ABL1: variants seen among roughly 807,000 people sequenced by gnomAD.
The protein encoded by ABL1 is ABL proto-oncogene 1, non-receptor tyrosine kinase.
In ABL1, 11 loss-of-function variants were observed where a neutral mutation model predicts 94.7. That is an observed-to-expected ratio of 0.12 (90% CI 0.07 to 0.19). The LOEUF (loss-of-function observed/expected upper bound fraction) is 0.19. Ranked by LOEUF, ABL1 falls within the 10% of genes least tolerant of loss-of-function variation. The probability of loss-of-function intolerance (pLI) is 1.00; values close to 1 mark genes in which losing one functional copy is unlikely to be tolerated. For missense variants in ABL1, 1,082 were observed against 1,489.4 expected, an observed-to-expected ratio of 0.73 and a Z score of 4.50; for synonymous variants, 656 against 622.4, an observed-to-expected ratio of 1.05 and a Z score of -0.80.
At chr9:130,877,584 C>G (rs1352430302) in intron 7 of ABL1, among the ~76,000 whole-genome samples, 1 of 147,600 alleles carries the variant, frequency 6.8e-6, no homozygotes, top group African/African-American at 2.6e-5. Context: ...ATCATCTGCC[C>G]TCCTCTAGCA....
At chr9:130,750,781 G>A (rs1051550573) in intron 1 of ABL1, among the ~76,000 whole-genome samples, 6 of 150,934 alleles carry the variant, frequency 4.0e-5, no homozygotes, top group Admixed American at 2.7e-4. Flanking sequence ...CGAGTAGCTG[G>A]GATTACAGGT....
chr9:130,820,519 C>G (rs1463609823), intron 1 of ABL1, among the ~76,000 whole-genome samples: 2 of 151,756 alleles, frequency 1.3e-5, no homozygotes, highest in Admixed American at 6.6e-5. Flanking sequence ...GTGTATACAA[C>G]CTTCCCCTCA....
intron 1 of ABL1, among the ~76,000 whole-genome samples, chr9:130,820,942 T>A (rs1198322119): frequency 6.6e-6 from 1 of 152,216 alleles, no homozygotes; most frequent in African/African-American, 2.4e-5. Flanking sequence ...TTTTTATTTT[T>A]TTTTCGAGAC....
At chr9:130,883,946 C>G (rs1564323180) in intron 10 of ABL1, 23 bp from the exon 11 acceptor site, 2 of 1,587,502 alleles carry the variant, frequency 1.3e-6, no homozygotes, top group Non-Finnish European at 8.6e-7. Context: ...CTGGAGTTGT[C>G]AGCTCTTCCC....
intron 3 of ABL1, among the ~76,000 whole-genome samples, chr9:130,857,775 A>G (rs1830999184): frequency 6.6e-6 from 1 of 151,940 alleles, no homozygotes; most frequent in South Asian, 2.1e-4. Context: ...GCTTTCCACC[A>G]CTGCAGAATT....
At chr9:130,845,406 A>G (rs923209795) in intron 1 of ABL1, among the ~76,000 whole-genome samples, 4 of 151,756 alleles carry the variant, frequency 2.6e-5, no homozygotes, top group African/African-American at 7.3e-5. Context: ...TGGTGATGCA[A>G]TCTTGGCTCA....
chr9:130,799,847 TA>T (rs1201513462), intron 1 of ABL1, among the ~76,000 whole-genome samples: 4 of 152,046 alleles, frequency 2.6e-5, no homozygotes, highest in African/African-American at 9.7e-5. Flanking sequence ...AGAGGATACT[TA>T]TTTATAAATT....
intron 3 of ABL1, among the ~76,000 whole-genome samples, chr9:130,861,358 G>GA (rs1162858159): frequency 6.6e-6 from 1 of 152,192 alleles, no homozygotes; most frequent in Non-Finnish European, 1.5e-5. Context: ...CAAAACAAAA[G>GA]AAAGAGAAAC....
intron 1 of ABL1, among the ~76,000 whole-genome samples, chr9:130,725,988 A>C (rs1369705722): frequency 6.7e-6 from 1 of 149,986 alleles, no homozygotes; most frequent in Non-Finnish European, 1.5e-5. Context: ...AGCTGGGACC[A>C]CAGGTGTGCA....
In ABL1 at chr9:130,835,981, G is replaced by C. The variant is rs1830575450; in HGVS notation, c.79+456G>C. On this transcript the variant is annotated intron_variant, in intron 1 of 10. Coordinates refer to ENST00000318560, the MANE Select transcript of ABL1 (RefSeq NM_005157.6). The surrounding 1 kb of genome is among the most constrained non-coding windows in gnomAD (Gnocchi z 4.6). ...GGAATTTCCACCGTTAATTGGGACT[G>C]TGTGTTAAAAAGATCGACCCGTGTT... Among the ~76,000 whole-genome samples the C allele has an allele frequency of 6.6e-6, 1 of 152,244 alleles. No individual in the cohort carries two copies. The highest frequency in any genetic ancestry group is 2.1e-4 in the South Asian group (1 of 4,830).
At chr9:130,834,095 C>G, upstream of ABL1, 3 of 456,036 alleles carry the variant, frequency 6.6e-6, no homozygotes, top group Middle Eastern at 3.3e-4. Context: ...TCTGACTTCT[C>G]TGAGCATCTG....
At position 130,872,732 on chromosome 9, in the gene ABL1, C is replaced by A; in HGVS notation, c.908-128C>A. 1.1e-6 allele frequency: 1 copy of A among 892,530 alleles called. No individual in the cohort carries two copies. Among genetic ancestry groups the A allele is most frequent in the Non-Finnish European group, 1.7e-6 (1 of 590,228 alleles). The allele number at this position is 892,530 out of a possible 1,614,324, so 55.3% of individuals were successfully genotyped here. ...GTCTCAGGATGCAGGTGCTTGGGAC[C>A]ATGTTGGAAGTTGGGCCCAGGACTG... On this transcript the variant is annotated intron_variant, in intron 5 of 10. Coordinates refer to ENST00000318560, the MANE Select transcript of ABL1 (RefSeq NM_005157.6). This position sits in a 1 kb window ranked among gnomAD's most constrained non-coding sequence, Gnocchi z 5.0.
At chr9:130,851,405 C>G (rs1047900232) in intron 1 of ABL1, among the ~76,000 whole-genome samples, 1 of 152,070 alleles carries the variant, frequency 6.6e-6, no homozygotes, top group Admixed American at 6.5e-5. Flanking sequence ...GAAACAGTTC[C>G]TGAAGGTTGA....
At chr9:130,739,805 T>A (rs1345004526) in intron 1 of ABL1, among the ~76,000 whole-genome samples, 5 of 152,186 alleles carry the variant, frequency 3.3e-5, no homozygotes, top group African/African-American at 4.8e-5. Flanking sequence ...TTCAGCACTT[T>A]GGGAGGCTGA....
intron 1 of ABL1, among the ~76,000 whole-genome samples, chr9:130,783,949 C>G (rs568529961): frequency 6.6e-6 from 1 of 152,264 alleles, no homozygotes; most frequent in South Asian, 2.1e-4. Flanking sequence ...AGCCACAGCA[C>G]CCAGCTTGTG....
upstream of ABL1, chr9:130,834,021 T>C: frequency 2.2e-6 from 1 of 456,098 alleles, no homozygotes; most frequent in South Asian, 1.5e-5. Flanking sequence ...GGGAGCCTGA[T>C]CCTTGGAGCC....
intron 1 of ABL1, among the ~76,000 whole-genome samples, chr9:130,744,854 C>T (rs1473848364): frequency 1.5e-5 from 2 of 131,540 alleles, no homozygotes; most frequent in Non-Finnish European, 3.1e-5. Context: ...GAGACTCCGT[C>T]TCAAAAAAAA....
At chr9:130,859,515 A>G (rs1016441446) in intron 3 of ABL1, among the ~76,000 whole-genome samples, 3 of 151,314 alleles carry the variant, frequency 2.0e-5, no homozygotes, top group Non-Finnish European at 4.4e-5. Context: ...CTGGTGTGTG[A>G]GCAGCTCTCG....
rs1406729170 is a variant in ABL1 at position 130,863,047 on chromosome 9, C to G, written c.822+12C>G. ...TGAAGACCTTGAAGGTAGGCTGGGACTGCCGGGGGTGCCCAGGGTACGTGG... is the reference window on the plus strand; with the variant it reads ...TGAAGACCTTGAAGGTAGGCTGGGAGTGCCGGGGGTGCCCAGGGTACGTGG... On this transcript the variant is annotated intron_variant, in intron 4 of 10. Coordinates refer to ENST00000318560, the MANE Select transcript of ABL1 (RefSeq NM_005157.6). The surrounding 1 kb of genome is among the most constrained non-coding windows in gnomAD (Gnocchi z 4.3). 1 of 1,583,382 alleles carries G rather than the reference C, an allele frequency of 6.3e-7. No homozygotes were observed. Among genetic ancestry groups the G allele is most frequent in the Admixed American group, 1.7e-5 (1 of 58,628 alleles).
Sources: allele counts gnomAD v4.1 joint callset (sites outside exome capture counted in the v4.1 genomes callset), GRCh38; gene constraint gnomAD v4.1.1; non-coding constraint Gnocchi (gnomAD v3.1); transcripts MANE v1.5; gene names NCBI Gene and HGNC (gene_info 2026-07-23, HGNC 2026-07-21).